VPS13B: variants seen among roughly 807,000 people sequenced by gnomAD.
VPS13B encodes vacuolar protein sorting 13 homolog B.
In VPS13B, 285 loss-of-function variants were observed where a neutral mutation model predicts 426.4. The ratio of observed to expected loss-of-function variants is 0.67; its 90% CI spans 0.61 to 0.74. VPS13B has a LOEUF of 0.74. Ranked by LOEUF, VPS13B falls within the 30% of genes least tolerant of loss-of-function variation. The probability of loss-of-function intolerance (pLI) is 0.00; values close to 1 mark genes in which losing one functional copy is unlikely to be tolerated. For missense variants in VPS13B, 4,537 were observed against 4,782.6 expected (o/e 0.95, Z 1.51); for synonymous variants, 1,676 against 1,676.4 (o/e 1.00, Z 0.01).
chr8:99,687,840 T>C (rs911149993), intron 35 of VPS13B, among the ~76,000 whole-genome samples: 20 of 152,176 alleles, frequency 1.3e-4, no homozygotes, highest in African/African-American at 4.6e-4. Context: ...AGTTCCTTTT[T>C]TTTTTATGGA....
At chr8:99,753,253 T>C (rs1338155124) in intron 39 of VPS13B, among the ~76,000 whole-genome samples, 1 of 152,206 alleles carries the variant, frequency 6.6e-6, no homozygotes, top group East Asian at 1.9e-4. Context: ...TCTTATTCTA[T>C]CTTCCTAAAT....
At chr8:99,833,676 T>A (rs1815213773) in intron 52 of VPS13B, among the ~76,000 whole-genome samples, 1 of 152,212 alleles carries the variant, frequency 6.6e-6, no homozygotes, top group Admixed American at 6.5e-5. Flanking sequence ...TTTTGAAAGC[T>A]ATATGAACTT....
At chr8:99,790,805 A>G (rs915564418) in intron 43 of VPS13B, among the ~76,000 whole-genome samples, 2 of 152,164 alleles carry the variant, frequency 1.3e-5, no homozygotes, top group Non-Finnish European at 2.9e-5. Flanking sequence ...AGCTAAGAGG[A>G]CCAACATGTG....
intron 44 of VPS13B, among the ~76,000 whole-genome samples, chr8:99,810,886 A>T (rs1447747745): frequency 1.3e-5 from 2 of 152,170 alleles, no homozygotes; most frequent in Non-Finnish European, 2.9e-5. Context: ...CGAAGAGACA[A>T]ATGTGGGACA....
chr8:99,746,312 A>C (rs1427510527), intron 39 of VPS13B, among the ~76,000 whole-genome samples: 1 of 152,086 alleles, frequency 6.6e-6, no homozygotes, highest in Non-Finnish European at 1.5e-5. Context: ...TTTCACTTTT[A>C]GCAATGTTAA....
Position 99,875,860 on chromosome 8 carries a change from C to CATT in VPS13B, c.*195_*197dup, listed in dbSNP as rs896459945. ...TGCATTTTGCCACCATAAAGGGCTGCATTTTTTTAAAAAGCCTAGGCAGCT... is the reference window on the plus strand; with the variant it reads ...TGCATTTTGCCACCATAAAGGGCTGCATTATTTTTTTAAAAAGCCTAGGCAGCT... On this transcript the variant is annotated 3_prime_UTR_variant, in exon 62 of 62. Coordinates refer to ENST00000357162, the MANE Select transcript of VPS13B (RefSeq NM_152564.5). The CATT allele has an allele frequency of 4.5e-6, 3 of 669,026 alleles. No individual in the cohort carries two copies. The African/African-American group carries it at 5.5e-5, about 12-fold the overall frequency. The allele number at this position is 669,026 out of a possible 1,614,324, so 41.4% of individuals were successfully genotyped here.
At chr8:99,196,061 A>C (rs1813901754) in intron 17 of VPS13B, among the ~76,000 whole-genome samples, 1 of 152,114 alleles carries the variant, frequency 6.6e-6, no homozygotes, top group African/African-American at 2.4e-5. Flanking sequence ...TATGAATTTA[A>C]GGATTTTTTT....
chr8:99,238,827 T>C (rs140556547), intron 17 of VPS13B, among the ~76,000 whole-genome samples: 4 of 152,212 alleles, frequency 2.6e-5, no homozygotes, highest in African/African-American at 9.6e-5. Context: ...TAGTGATATA[T>C]CTAAAAATAA....
intron 19 of VPS13B, among the ~76,000 whole-genome samples, chr8:99,284,187 T>G: frequency 6.6e-6 from 1 of 152,208 alleles, no homozygotes; most frequent in Non-Finnish European, 1.5e-5. Flanking sequence ...ACAAAGCATA[T>G]GTATATGTTT....
chr8:99,271,248 CGAT>C (rs1563639221), intron 17 of VPS13B, among the ~76,000 whole-genome samples: 2 of 114,276 alleles, frequency 1.8e-5, no homozygotes, highest in East Asian at 4.4e-4. Flanking sequence ...ACTACTACTA[CGAT>C]GATGATTGTA....
At chr8:99,193,139 C>G in intron 17 of VPS13B, 82 bp downstream of exon 17, 1 of 1,342,174 alleles carries the variant, frequency 7.5e-7, no homozygotes, top group Non-Finnish European at 1.0e-6. Flanking sequence ...ATCCATATGT[C>G]TAGCATGGTC....
intron 24 of VPS13B, among the ~76,000 whole-genome samples, chr8:99,474,901 A>G (rs1016287226): frequency 6.6e-6 from 1 of 152,216 alleles, no homozygotes; most frequent in African/African-American, 2.4e-5. Context: ...AGATGTATAT[A>G]GCAGCTTTAT....
intron 3 of VPS13B, among the ~76,000 whole-genome samples, chr8:99,057,210 G>A (rs1267321120): frequency 6.6e-6 from 1 of 150,698 alleles, no homozygotes; most frequent in Non-Finnish European, 1.5e-5. Context: ...TTTCCAGTCT[G>A]TATGCCTTTC....
intron 35 of VPS13B, among the ~76,000 whole-genome samples, chr8:99,676,040 G>T (rs1014767482): frequency 2.6e-5 from 4 of 152,010 alleles, no homozygotes; most frequent in African/African-American, 9.7e-5. Context: ...ATCAATGTCT[G>T]GATATTGAAG....
chr8:99,871,853 G>C (rs548268065), intron 61 of VPS13B, among the ~76,000 whole-genome samples, 156 bp downstream of exon 61: 43 of 152,216 alleles, frequency 2.8e-4, no homozygotes, highest in Non-Finnish European at 2.1e-4. Context: ...TGTAGAGGCC[G>C]GAGGGCCGCT....
chr8:99,447,587 C>T (rs1817984663), intron 23 of VPS13B, among the ~76,000 whole-genome samples: 1 of 152,130 alleles, frequency 6.6e-6, no homozygotes, highest in Non-Finnish European at 1.5e-5. Flanking sequence ...ATTTACTTTG[C>T]ATACCTCTGT....
intron 21 of VPS13B, among the ~76,000 whole-genome samples, chr8:99,404,548 T>C (rs1815227590): frequency 6.6e-6 from 1 of 152,236 alleles, no homozygotes. Context: ...GTCTCATGCA[T>C]TATTGCAGTT....
At position 99,564,670 on chromosome 8, in the gene VPS13B, A is replaced by G. The variant is rs182764348; in HGVS notation, c.4949+8017A>G. Among the ~76,000 whole-genome samples, 1,018 of 152,350 alleles carry G rather than the reference A, an allele frequency of 6.7e-3. 9 individuals are homozygous for G. Among genetic ancestry groups the G allele is most frequent in the African/African-American group, 0.023 (960 of 41,586 alleles). ...AGAATATTGGCTATTATTTCCCTCC[A>G]TCTTCCAAATGTTGTTAAGGTTCCT... On this transcript the variant is annotated intron_variant, in intron 31 of 61. Coordinates refer to ENST00000357162, the MANE Select transcript of VPS13B (RefSeq NM_152564.5).
intron 19 of VPS13B, among the ~76,000 whole-genome samples, chr8:99,368,123 C>A (rs960037970): frequency 1.2e-4 from 18 of 152,152 alleles, no homozygotes; most frequent in Admixed American, 1.2e-3. Flanking sequence ...TTTTTAAAAG[C>A]CTAATTTTAT....
Sources: gnomAD v4.1 joint callset for allele counts (sites outside exome capture counted in the v4.1 genomes callset) on GRCh38, gnomAD v4.1.1 for gene constraint, MANE v1.5 for transcripts, NCBI Gene and HGNC (gene_info 2026-07-23, HGNC 2026-07-21) for gene names.